UMAD1: variants seen among roughly 807,000 people sequenced by gnomAD.
UMAD1 encodes the protein UBAP1-MVB12-associated (UMA) domain containing 1.
UMAD1 carries 8 observed loss-of-function variants against 6.1 expected under a neutral mutation model. That is an observed-to-expected ratio of 1.30 (90% CI 0.76 to 2.35). UMAD1 has a LOEUF of 2.35. Ranked by LOEUF, UMAD1 falls within the 30% of genes most tolerant of loss-of-function variation. The pLI is 0.00. For missense variants in UMAD1, 130 were observed against 78.4 expected, an observed-to-expected ratio of 1.66 and a Z score of -2.49; for synonymous variants, 56 against 31.4, an observed-to-expected ratio of 1.78 and a Z score of -2.61.
chr7:7,835,361 G>GACATTTTC (rs1783544997), intron 3 of UMAD1, among the ~76,000 whole-genome samples: 1 of 140,770 alleles, frequency 7.1e-6, no homozygotes, highest in South Asian at 2.3e-4. Context: ...ACTTTTATAT[G>GACATTTTC]ACATTTTCAT....
At chr7:7,697,060 C>T (rs575060215) in intron 2 of UMAD1, among the ~76,000 whole-genome samples, 37 of 152,236 alleles carry the variant, frequency 2.4e-4, no homozygotes, top group Non-Finnish European at 4.3e-4. Flanking sequence ...TCAGCAGGAA[C>T]GGTCTTGTGG....
At chr7:7,853,545 C>A (rs974391466) in intron 3 of UMAD1, among the ~76,000 whole-genome samples, 40 of 151,480 alleles carry the variant, frequency 2.6e-4, no homozygotes, top group African/African-American at 3.9e-4. Flanking sequence ...TAAATTTATT[C>A]CTAATCATGT....
intron 2 of UMAD1, among the ~76,000 whole-genome samples, chr7:7,770,762 A>G (rs1202220769): frequency 6.6e-6 from 1 of 152,176 alleles, no homozygotes; most frequent in Non-Finnish European, 1.5e-5. Context: ...TAATAAAAAA[A>G]ATGAGGAGCA....
At chr7:7,664,994 GATATATAGAT>G (rs1294837012) in intron 1 of UMAD1, among the ~76,000 whole-genome samples, 2 of 140,760 alleles carry the variant, frequency 1.4e-5, no homozygotes, top group African/African-American at 5.2e-5. Context: ...GTGTGTGGGT[GATATATAGAT>G]ATATATATAT....
chr7:7,728,420 C>T (rs1369390674), intron 2 of UMAD1, among the ~76,000 whole-genome samples: 1 of 152,038 alleles, frequency 6.6e-6, no homozygotes, highest in South Asian at 2.1e-4. Flanking sequence ...CCAAGGTGGG[C>T]GGATCATGAG....
At chr7:7,756,131 G>A (rs955532920) in intron 2 of UMAD1, among the ~76,000 whole-genome samples, 1 of 152,214 alleles carries the variant, frequency 6.6e-6, no homozygotes. Flanking sequence ...TAGGCATAGT[G>A]TGAAGTTGGA....
intron 2 of UMAD1, among the ~76,000 whole-genome samples, chr7:7,716,502 G>T (rs1264357640): frequency 5.9e-5 from 9 of 152,194 alleles, no homozygotes; most frequent in Admixed American, 5.9e-4. Flanking sequence ...GCTGGTAGCT[G>T]TGCCAATAGT....
chr7:7,797,682 T>G (rs1782714846), intron 2 of UMAD1, among the ~76,000 whole-genome samples: 1 of 150,572 alleles, frequency 6.6e-6, no homozygotes. Flanking sequence ...AGCTAAAACA[T>G]CATCCAACAT....
chr7:7,836,820 T>A (rs948234342), intron 3 of UMAD1, among the ~76,000 whole-genome samples: 1 of 151,382 alleles, frequency 6.6e-6, no homozygotes, highest in Non-Finnish European at 1.5e-5. Context: ...CAGAGAGACA[T>A]AGAAATGCAT....
chr7:7,749,507 A>G (rs1211375203), intron 2 of UMAD1, among the ~76,000 whole-genome samples: 1 of 152,176 alleles, frequency 6.6e-6, no homozygotes, highest in African/African-American at 2.4e-5. Context: ...GGCTTATAGA[A>G]TATTTAGCAA....
intron 2 of UMAD1, among the ~76,000 whole-genome samples, chr7:7,788,469 T>C (rs553106808): frequency 6.6e-6 from 1 of 152,350 alleles, no homozygotes; most frequent in South Asian, 2.1e-4. Context: ...GCTTCTTCTT[T>C]CTTAATGAGC....
chr7:7,795,016 A>G (rs1037190524), intron 2 of UMAD1, among the ~76,000 whole-genome samples: 3 of 152,226 alleles, frequency 2.0e-5, no homozygotes, highest in African/African-American at 7.2e-5. Flanking sequence ...CCAACTGCCA[A>G]TCAGAAAATC....
chr7:7,710,822 T>C (rs759491637), intron 2 of UMAD1, among the ~76,000 whole-genome samples: 4 of 152,176 alleles, frequency 2.6e-5, no homozygotes, highest in Non-Finnish European at 5.9e-5. Context: ...GTTAAATCTA[T>C]GGTATATCTA....
chr7:7,719,079 G>T (rs1382495113), intron 2 of UMAD1, among the ~76,000 whole-genome samples: 1 of 134,148 alleles, frequency 7.5e-6, no homozygotes, highest in Non-Finnish European at 1.7e-5. Context: ...GTTAAAAAAA[G>T]CTTTAAGAAC....
intron 2 of UMAD1, among the ~76,000 whole-genome samples, chr7:7,708,671 C>T (rs545741241): frequency 5.3e-5 from 8 of 152,230 alleles, no homozygotes; most frequent in African/African-American, 1.9e-4. Flanking sequence ...CCTACTACTT[C>T]GTTTTGGCCA....
chr7:7,750,658 G>A (rs570431732), intron 2 of UMAD1, among the ~76,000 whole-genome samples: 1 of 152,226 alleles, frequency 6.6e-6, no homozygotes, highest in African/African-American at 2.4e-5. Context: ...ATCCTCACCA[G>A]TATACTTATG....
chr7:7,690,667 TTAATA>T (rs1780152549), intron 2 of UMAD1, among the ~76,000 whole-genome samples: 1 of 152,172 alleles, frequency 6.6e-6, no homozygotes, highest in African/African-American at 2.4e-5. Flanking sequence ...TGAGAATACT[TTAATA>T]TATCTAAATT....
chr7:7,809,670 G>T (rs1023957589), intron 3 of UMAD1, among the ~76,000 whole-genome samples: 1 of 151,662 alleles, frequency 6.6e-6, no homozygotes, highest in Non-Finnish European at 1.5e-5. Context: ...CTGAGACTTT[G>T]TCCCTTTTGA....
At position 7,690,791 on chromosome 7, in the gene UMAD1, C is replaced by CAT. The variant is rs369593245; in HGVS notation, c.82+17342_82+17343dup. Reference sequence around the variant, plus strand: ...AATTATAGTGAAAGCATTCCCTTCACATATAAATGCTTTTCTAGCCTGTAG... The same window carrying CAT: ...AATTATAGTGAAAGCATTCCCTTCACATATATAAATGCTTTTCTAGCCTGTAG... On this transcript the variant is annotated intron_variant, in intron 2 of 3. Coordinates refer to ENST00000682710, the MANE Select transcript of UMAD1 (RefSeq NM_001302348.2). 5.8e-3 allele frequency among the ~76,000 whole-genome samples: 884 copies of CAT among 152,262 alleles called. 10 individuals are homozygous for CAT. The highest frequency in any genetic ancestry group is 0.02 in the African/African-American group (839 of 41,550).
Sources: gnomAD v4.1 joint callset for allele counts (sites outside exome capture counted in the v4.1 genomes callset) on GRCh38, gnomAD v4.1.1 for gene constraint, MANE v1.5 for transcripts, NCBI Gene and HGNC (gene_info 2026-07-23, HGNC 2026-07-21) for gene names.